The following KAT14 variants were observed in gnomAD, a reference collection of about 807,000 sequenced individuals.
KAT14 encodes lysine acetyltransferase 14.
KAT14 carries 66 observed loss-of-function variants against 78.4 expected under a neutral mutation model. The observed-to-expected ratio is 0.84, with a 90% CI of 0.69 to 1.03. The LOEUF (loss-of-function observed/expected upper bound fraction) is 1.03. Ranked by LOEUF, KAT14 falls within the 50% of genes least tolerant of loss-of-function variation. KAT14 has a pLI of 0.00. For synonymous variants in KAT14, 344 were observed against 359.4 expected (o/e 0.96, Z 0.48); for missense variants, 870 against 972.5 (o/e 0.89, Z 1.40).
chr20:18,171,162 G>A (rs1367064620), intron 7 of KAT14, among the ~76,000 whole-genome samples: 1 of 152,156 alleles, frequency 6.6e-6, no homozygotes, highest in Non-Finnish European at 1.5e-5. Flanking sequence ...ACATTTACAG[G>A]AGTTTGGAAG....
At chr20:18,166,450 A>G (rs1210839920) in intron 7 of KAT14, among the ~76,000 whole-genome samples, 3 of 152,376 alleles carry the variant, frequency 2.0e-5, no homozygotes, top group East Asian at 1.9e-4. Context: ...AGCATGTCCA[A>G]CGGTTACAGA....
chr20:18,165,740 G>GT (rs1488673049), intron 7 of KAT14, among the ~76,000 whole-genome samples: 1 of 152,194 alleles, frequency 6.6e-6, no homozygotes, highest in African/African-American at 2.4e-5. Flanking sequence ...TCACCATAGC[G>GT]TATGCATCAG....
At chr20:18,181,969 A>G (rs965367802) in intron 8 of KAT14, 123 bp downstream of exon 8, 1 of 1,437,064 alleles carries the variant, frequency 7.0e-7, no homozygotes, top group Non-Finnish European at 9.3e-7. Flanking sequence ...ATTGGCAAGG[A>G]CTGAGTTCTG....
At chr20:18,141,181 G>C (rs780778099) in intron 1 of KAT14, among the ~76,000 whole-genome samples, 1 of 151,690 alleles carries the variant, frequency 6.6e-6, no homozygotes, top group African/African-American at 2.4e-5. Context: ...CACCACGCCT[G>C]GCCTAAAACC....
chr20:18,160,345 A>G (rs187931418), intron 5 of KAT14, among the ~76,000 whole-genome samples: 17 of 152,348 alleles, frequency 1.1e-4, no homozygotes, highest in Non-Finnish European at 2.5e-4. Flanking sequence ...GAATACTTTC[A>G]GAAAGATCTC....
intron 10 of KAT14, 102 bp from the exon 11 acceptor site, chr20:18,187,184 G>A: frequency 7.0e-7 from 1 of 1,435,748 alleles, no homozygotes; most frequent in South Asian, 1.5e-5. Flanking sequence ...GATTTCTCCG[G>A]TTTCCATAAC....
At chr20:18,173,870 T>C (rs895580400) in intron 7 of KAT14, among the ~76,000 whole-genome samples, 1 of 152,228 alleles carries the variant, frequency 6.6e-6, no homozygotes, top group African/African-American at 2.4e-5. Context: ...ATTCACCTAT[T>C]TAAAGTGTAC....
intron 7 of KAT14, among the ~76,000 whole-genome samples, chr20:18,176,640 C>T (rs1389332108): frequency 6.6e-6 from 1 of 151,396 alleles, no homozygotes; most frequent in Non-Finnish European, 1.5e-5. Flanking sequence ...GGCCCTGAAG[C>T]AGGAGTTGGG....
At chr20:18,138,399 G>C in intron 1 of KAT14, 1 of 1,038,590 alleles carries the variant, frequency 9.6e-7, no homozygotes, top group Non-Finnish European at 1.2e-6. Context: ...CGGCCCGCAG[G>C]GTGCGGACCT....
chr20:18,166,691 C>T (rs2038653273), intron 7 of KAT14, among the ~76,000 whole-genome samples: 1 of 152,220 alleles, frequency 6.6e-6, no homozygotes, highest in Non-Finnish European at 1.5e-5. Flanking sequence ...TCTGGAGATT[C>T]TTTTGCCCTC....
At chr20:18,166,080 G>A (rs947172347) in intron 7 of KAT14, among the ~76,000 whole-genome samples, 3 of 152,250 alleles carry the variant, frequency 2.0e-5, no homozygotes, top group South Asian at 2.1e-4. Context: ...ATAGATAATC[G>A]GTGCTGCGAA....
upstream of KAT14, chr20:18,137,726 C>T (rs1014769195): frequency 9.4e-6 from 4 of 426,612 alleles, no homozygotes; most frequent in African/African-American, 4.2e-5. Context: ...CTGTCGCCTG[C>T]GGGGTGTGCA....
Position 18,162,020 on chromosome 20 carries a change from A to AGCC in KAT14, c.882_884dup (p.Arg295dup). ...ATCTTCTACCCCTGTAAAATTCATA[A>AGCC]GCCGAGGCCGCAGGCCAGATGTGAT... On this transcript the variant is annotated inframe_insertion, in exon 6 of 11. Transcript: ENST00000688188. 1 of 1,614,246 alleles carries AGCC rather than the reference A, an allele frequency of 6.2e-7. No individual in the cohort carries two copies. Among genetic ancestry groups the AGCC allele is most frequent in the Non-Finnish European group, 8.5e-7 (1 of 1,180,046 alleles).
intron 1 of KAT14, 84 bp downstream of exon 1, chr20:18,138,135 C>G (rs913233441): frequency 7.3e-6 from 10 of 1,362,078 alleles, no homozygotes; most frequent in Non-Finnish European, 9.4e-6. Flanking sequence ...CGCTCGGTTC[C>G]TCAGCTCCTC....
chr20:18,164,750 G>T (rs1257052008), intron 7 of KAT14, among the ~76,000 whole-genome samples: 1 of 151,332 alleles, frequency 6.6e-6, no homozygotes, highest in Non-Finnish European at 1.5e-5. Flanking sequence ...CCAAGTAGCT[G>T]GTACTATAGG....
At position 18,151,024 on chromosome 20, in the gene KAT14, A is replaced by G; in HGVS notation, c.500+82A>G. 2.6e-6 allele frequency: 4 copies of G among 1,526,166 alleles called. No individual in the cohort carries two copies. In the South Asian group the frequency reaches 3.7e-5, roughly 14 times the overall value. The allele number at this position is 1,526,166 out of a possible 1,614,324, so 94.5% of individuals were successfully genotyped here. A position where few individuals can be genotyped will look rare whatever the true frequency, so the allele number is the denominator to read the frequency against. On this transcript the variant is annotated intron_variant, in intron 4 of 10. Transcript: ENST00000688188. ...CAGGATTTGAGACAGCCTAATGTAG[A>G]CTTGTTAGAGATTTATTTTAATTTT... is the stretch of plus-strand genomic sequence containing the variant.
At chr20:18,139,380 G>T (rs2037434754) in intron 1 of KAT14, among the ~76,000 whole-genome samples, 1 of 152,212 alleles carries the variant, frequency 6.6e-6, no homozygotes, top group Non-Finnish European at 1.5e-5. Flanking sequence ...TGTTTGAAGG[G>T]TTTGGGTAGG....
chr20:18,166,188 A>G lies in KAT14; in HGVS notation c.1668+3243A>G, dbSNP rs1435214052. 2.6e-5 allele frequency among the ~76,000 whole-genome samples: 4 copies of G among 152,230 alleles called. No individual in the cohort carries two copies. In the East Asian group the frequency reaches 7.7e-4, roughly 29 times the overall value. On this transcript the variant is annotated intron_variant, in intron 7 of 10. Coordinates refer to ENST00000688188, the MANE Select transcript of KAT14 (RefSeq NM_001392073.1). ...GCAGATGGAACAAAGGTGAGAGCAC[A>G]CTTGAACACAGGAAAAGCAGACATA...
chr20:18,138,104 G>C, intron 1 of KAT14, 53 bp downstream of exon 1: 1 of 1,427,378 alleles, frequency 7.0e-7, no homozygotes, highest in South Asian at 1.4e-5. Context: ...CGTCGACCTG[G>C]GGCCTCTCGT....
Sources: gnomAD v4.1 joint callset for allele counts (sites outside exome capture counted in the v4.1 genomes callset) on GRCh38, gnomAD v4.1.1 for gene constraint, MANE v1.5 for transcripts, NCBI Gene and HGNC (gene_info 2026-07-23, HGNC 2026-07-21) for gene names.